Variants in ANGPT1 observed in about 807,000 individuals in gnomAD.
ANGPT1 encodes angiopoietin 1.
Under a neutral mutation model 62.2 loss-of-function variants are expected in ANGPT1, and 17 were observed. The observed-to-expected ratio is 0.27, with a 90% CI of 0.19 to 0.41. The LOEUF (loss-of-function observed/expected upper bound fraction) is 0.41, where lower values mean the gene tolerates loss of function less well. Among genes scored for constraint, ANGPT1 ranks in the 10% least tolerant of loss-of-function variants. The pLI is 1.00. For synonymous variants in ANGPT1, 199 were observed against 198.9 expected, an observed-to-expected ratio of 1.00 and a Z score of 0.00; for missense variants, 478 against 594.9, an observed-to-expected ratio of 0.80 and a Z score of 2.04.
intron 1 of ANGPT1, among the ~76,000 whole-genome samples, chr8:107,413,164 C>G (rs1166096923): frequency 2.0e-5 from 3 of 152,186 alleles, no homozygotes; most frequent in Non-Finnish European, 4.4e-5. Context: ...TCAATTTACT[C>G]TTAAGTAATT....
chr8:107,360,034 GC>G (rs1816126479), intron 1 of ANGPT1, among the ~76,000 whole-genome samples: 1 of 152,124 alleles, frequency 6.6e-6, no homozygotes, highest in African/African-American at 2.4e-5. Context: ...AAACTCTGCT[GC>G]CCTCCATAGA....
Position 107,358,443 on chromosome 8 carries a change from C to G in ANGPT1, c.298-11346G>C, listed in dbSNP as rs866501273. ...GGCATTGTTTCATCTTTCACAAAGGCCATTTTGGTGCCCTGGTGATGCTTG... is the reference window on the plus strand; with the variant it reads ...GGCATTGTTTCATCTTTCACAAAGGGCATTTTGGTGCCCTGGTGATGCTTG... On this transcript the variant is annotated intron_variant, in intron 1 of 8. Transcript: ENST00000517746. Among the ~76,000 whole-genome samples the G allele has an allele frequency of 5.3e-5, 8 of 151,948 alleles. No individual in the cohort carries two copies. The South Asian group carries it at 1.7e-3, about 32-fold the overall frequency.
intron 5 of ANGPT1, among the ~76,000 whole-genome samples, chr8:107,299,416 TATATAA>T (rs1563556767): frequency 7.7e-6 from 1 of 129,964 alleles, no homozygotes; most frequent in African/African-American, 2.9e-5. Flanking sequence ...TATATATATA[TATATAA>T]ACATACATAT....
intron 1 of ANGPT1, among the ~76,000 whole-genome samples, chr8:107,477,725 A>G (rs1397889567): frequency 6.6e-6 from 1 of 152,088 alleles, no homozygotes; most frequent in Non-Finnish European, 1.5e-5. Flanking sequence ...TAGCTCATTC[A>G]CTTTCCTTCT....
chr8:107,292,748 A>T (rs1300993030), intron 6 of ANGPT1, among the ~76,000 whole-genome samples: 1 of 152,162 alleles, frequency 6.6e-6, no homozygotes, highest in Non-Finnish European at 1.5e-5. Flanking sequence ...TCATTTATTA[A>T]AACCCCTTAT....
chr8:107,496,695 G>A (rs1813108890), intron 1 of ANGPT1, among the ~76,000 whole-genome samples: 1 of 151,904 alleles, frequency 6.6e-6, no homozygotes, highest in South Asian at 2.1e-4. Context: ...ACAGAAATCA[G>A]TCTACTATTC....
At chr8:107,325,869 GTTTGA>G (rs1815275239) in intron 3 of ANGPT1, among the ~76,000 whole-genome samples, 2 of 152,136 alleles carry the variant, frequency 1.3e-5, no homozygotes, top group African/African-American at 4.8e-5. Context: ...AGGTGGGCTT[GTTTGA>G]TTTGTTTTGT....
At chr8:107,343,164 G>T (rs1019139208) in intron 2 of ANGPT1, among the ~76,000 whole-genome samples, 4 of 151,954 alleles carry the variant, frequency 2.6e-5, no homozygotes, top group African/African-American at 9.7e-5. Context: ...GAGTGCTATT[G>T]AGGTCCAAAC....
At chr8:107,308,050 T>G (rs1814762232) in intron 4 of ANGPT1, among the ~76,000 whole-genome samples, 1 of 152,178 alleles carries the variant, frequency 6.6e-6, no homozygotes, top group African/African-American at 2.4e-5. Context: ...GTCCCTCTGC[T>G]TCTTATCCTC....
At chr8:107,467,417 A>C (rs1812232790) in intron 1 of ANGPT1, among the ~76,000 whole-genome samples, 1 of 152,060 alleles carries the variant, frequency 6.6e-6, no homozygotes, top group South Asian at 2.1e-4. Flanking sequence ...AATTTAATAT[A>C]GATAAATTGA....
chr8:107,497,564 T>C lies in ANGPT1; in HGVS notation c.-6A>G. On this transcript the variant is annotated 5_prime_UTR_variant, in exon 1 of 9. Transcript: ENST00000517746. ...AAGGAAAGGAAAACTGTCATTGTAC[T>C]GCCAGCACACTCCTTCCGTGCCTCT... The C allele has an allele frequency of 1.2e-6, 2 of 1,612,288 alleles. No homozygotes were observed. The highest frequency in any genetic ancestry group is 1.3e-5 in the African/African-American group (1 of 75,056).
intron 1 of ANGPT1, among the ~76,000 whole-genome samples, chr8:107,466,356 T>G (rs1365406712): frequency 6.6e-6 from 1 of 152,066 alleles, no homozygotes; most frequent in African/African-American, 2.4e-5. Flanking sequence ...GAGTCTGTGA[T>G]CCAGCTCCAC....
At chr8:107,300,066 T>C (rs964824729) in intron 5 of ANGPT1, among the ~76,000 whole-genome samples, 1 of 143,718 alleles carries the variant, frequency 7.0e-6, no homozygotes, top group East Asian at 2.1e-4. Flanking sequence ...TATCTAGATA[T>C]AGGTATCTAT....
intron 1 of ANGPT1, among the ~76,000 whole-genome samples, chr8:107,357,048 G>A (rs1435464212): frequency 1.3e-5 from 2 of 152,114 alleles, no homozygotes; most frequent in African/African-American, 2.4e-5. Context: ...CAACCTACAT[G>A]TGTCCAGTTC....
intron 1 of ANGPT1, among the ~76,000 whole-genome samples, chr8:107,390,938 A>T (rs906701125): frequency 5.3e-5 from 8 of 152,062 alleles, no homozygotes; most frequent in Admixed American, 5.2e-4. Flanking sequence ...AAACGGAGGG[A>T]CAGAACTCCA....
chr8:107,359,311 A>G (rs1816112208), intron 1 of ANGPT1, among the ~76,000 whole-genome samples: 1 of 152,188 alleles, frequency 6.6e-6, no homozygotes, highest in Non-Finnish European at 1.5e-5. Flanking sequence ...CAAAGCCCCC[A>G]GGGTCTCTTC....
At chr8:107,375,580 G>C (rs937790419) in intron 1 of ANGPT1, among the ~76,000 whole-genome samples, 1 of 152,130 alleles carries the variant, frequency 6.6e-6, no homozygotes, top group African/African-American at 2.4e-5. Context: ...CCAACCACAG[G>C]AGACAGACCT....
intron 3 of ANGPT1, 128 bp downstream of exon 3, chr8:107,336,016 TATATTA>T (rs906667399): frequency 3.8e-6 from 3 of 792,640 alleles, no homozygotes; most frequent in African/African-American, 1.8e-5. Flanking sequence ...CCTTTATTTT[TATATTA>T]ATATTAATTT....
chr8:107,436,623 G>T (rs886424773), intron 1 of ANGPT1, among the ~76,000 whole-genome samples: 1 of 151,942 alleles, frequency 6.6e-6, no homozygotes. Flanking sequence ...TTCATTTATC[G>T]TCTGCAGATG....
Sources: gnomAD v4.1 joint callset for allele counts (sites outside exome capture counted in the v4.1 genomes callset) on GRCh38, gnomAD v4.1.1 for gene constraint, MANE v1.5 for transcripts, NCBI Gene and HGNC (gene_info 2026-07-23, HGNC 2026-07-21) for gene names.